The following AGBL1 variants were observed in gnomAD, a reference collection of about 807,000 sequenced individuals.
AGBL1 encodes AGBL carboxypeptidase 1.
A neutral mutation model predicts 118.9 loss-of-function variants in AGBL1; 130 were observed. The ratio of observed to expected loss-of-function variants is 1.09; its 90% CI spans 0.95 to 1.26. The LOEUF is 1.26. Among genes scored for constraint, AGBL1 ranks in the 50% most tolerant of loss-of-function variants. The pLI, the probability that AGBL1 is intolerant of heterozygous loss-of-function variation, is 0.00. For missense variants in AGBL1, 1,584 were observed against 1,298.1 expected, an observed-to-expected ratio of 1.22 and a Z score of -3.38; for synonymous variants, 555 against 478.9, an observed-to-expected ratio of 1.16 and a Z score of -2.08.
intron 18 of AGBL1, among the ~76,000 whole-genome samples, chr15:86,504,922 C>T (rs926031650): frequency 1.3e-5 from 2 of 151,584 alleles, no homozygotes; most frequent in Non-Finnish European, 3.0e-5. Flanking sequence ...CTGAAGCCTT[C>T]CCTTTAGTGT....
At chr15:86,994,179 A>C (rs2081358053) in intron 24 of AGBL1, among the ~76,000 whole-genome samples, 1 of 152,162 alleles carries the variant, frequency 6.6e-6, no homozygotes, top group Non-Finnish European at 1.5e-5. Context: ...TGTCTTTCAA[A>C]TTCAAAGCAG....
intron 18 of AGBL1, among the ~76,000 whole-genome samples, chr15:86,496,474 A>G (rs1417725660): frequency 1.3e-5 from 2 of 152,082 alleles, no homozygotes; most frequent in African/African-American, 4.8e-5. Flanking sequence ...CTTTTTTAAA[A>G]GATCCAATAT....
intron 23 of AGBL1, among the ~76,000 whole-genome samples, chr15:86,952,904 T>C (rs2080894216): frequency 6.6e-6 from 1 of 152,224 alleles, no homozygotes; most frequent in African/African-American, 2.4e-5. Context: ...TAGTCAATTA[T>C]GCAAGCATAA....
intron 24 of AGBL1, among the ~76,000 whole-genome samples, chr15:87,002,105 G>A (rs1307009545): frequency 6.6e-6 from 1 of 151,986 alleles, no homozygotes; most frequent in Non-Finnish European, 1.5e-5. Context: ...GGTTTTTATG[G>A]TTTTAGGTCT....
intron 22 of AGBL1, among the ~76,000 whole-genome samples, chr15:86,736,791 C>A (rs72763993): frequency 1.3e-5 from 2 of 152,160 alleles, no homozygotes; most frequent in African/African-American, 4.8e-5. Flanking sequence ...GGCTTTTAGA[C>A]ATGCTTATGA....
intron 19 of AGBL1, among the ~76,000 whole-genome samples, chr15:86,537,982 C>G (rs767410639): frequency 6.6e-5 from 10 of 152,186 alleles, no homozygotes; most frequent in Non-Finnish European, 1.5e-4. Context: ...GGTTGATTTA[C>G]AGGCGCTCTT....
At chr15:86,786,352 C>G (rs929379991) in intron 22 of AGBL1, among the ~76,000 whole-genome samples, 17 of 152,164 alleles carry the variant, frequency 1.1e-4, no homozygotes, top group African/African-American at 4.1e-4. Context: ...AAGCTCATGA[C>G]TGCCAGGGGC....
At chr15:86,986,172 C>A (rs2081280335) in intron 23 of AGBL1, among the ~76,000 whole-genome samples, 1 of 152,192 alleles carries the variant, frequency 6.6e-6, no homozygotes, top group Non-Finnish European at 1.5e-5. Flanking sequence ...GATCCACCCG[C>A]CTCGGCCTCC....
intron 22 of AGBL1, among the ~76,000 whole-genome samples, chr15:86,877,183 C>A (rs1379527278): frequency 6.6e-6 from 1 of 152,096 alleles, no homozygotes; most frequent in Non-Finnish European, 1.5e-5. Flanking sequence ...TTCCTGTGCT[C>A]ACTGAGATCT....
At chr15:86,424,484 A>T (rs376735094) in intron 18 of AGBL1, among the ~76,000 whole-genome samples, 2 of 152,218 alleles carry the variant, frequency 1.3e-5, no homozygotes, top group African/African-American at 2.4e-5. Flanking sequence ...ATGGGCAAAG[A>T]CTTTGTGACT....
rs1015422908 is a variant in AGBL1 at position 86,210,635 on chromosome 15, T to A, written c.489-14279T>A. The stretch of plus-strand genomic sequence containing the variant: ...TATTGAAGCTTGAGCTTGTGTCACG[T>A]AGTTCTTGTGCCATGGTTTTCAGCT... On this transcript the variant is annotated intron_variant, in intron 5 of 22. Coordinates refer to ENST00000614907, the MANE Select transcript of AGBL1 (RefSeq NM_001386094.1). Among the ~76,000 whole-genome samples, 4 of 152,180 alleles carry A rather than the reference T, an allele frequency of 2.6e-5. No individual in the cohort carries two copies. The East Asian group carries it at 7.7e-4, about 29-fold the overall frequency.
At chr15:86,185,484 T>C (rs896350017) in intron 5 of AGBL1, among the ~76,000 whole-genome samples, 1 of 152,090 alleles carries the variant, frequency 6.6e-6, no homozygotes, top group Non-Finnish European at 1.5e-5. Context: ...CTATTCACAA[T>C]AGCAAAGACT....
intron 1 of AGBL1, among the ~76,000 whole-genome samples, chr15:86,084,567 G>T (rs1895506784): frequency 6.6e-6 from 1 of 152,152 alleles, no homozygotes; most frequent in Non-Finnish European, 1.5e-5. Context: ...TCACTGGTTT[G>T]CATTGCTTAA....
chr15:86,151,224 G>A (rs968619398), intron 3 of AGBL1, among the ~76,000 whole-genome samples: 3 of 150,810 alleles, frequency 2.0e-5, no homozygotes, highest in Non-Finnish European at 4.4e-5. Flanking sequence ...TGGGTGCAGC[G>A]CACCAGCATG....
At chr15:86,838,706 G>A (rs1164463322) in intron 22 of AGBL1, among the ~76,000 whole-genome samples, 3 of 151,880 alleles carry the variant, frequency 2.0e-5, no homozygotes, top group East Asian at 1.9e-4. Context: ...TTGAGAGGCC[G>A]AGGCAGAAAG....
At chr15:86,568,387 T>C (rs1322241070) in intron 21 of AGBL1, among the ~76,000 whole-genome samples, 2 of 152,316 alleles carry the variant, frequency 1.3e-5, no homozygotes, top group East Asian at 1.9e-4. Context: ...CCTTAACTTA[T>C]TGATTCCAGG....
intron 17 of AGBL1, among the ~76,000 whole-genome samples, chr15:86,304,243 C>G (rs76874760): frequency 0.021 from 3,172 of 152,124 alleles, 120 homozygotes; most frequent in African/African-American, 0.071. Flanking sequence ...CCCTACTAAC[C>G]TTCTTTCTAC....
intron 5 of AGBL1, among the ~76,000 whole-genome samples, chr15:86,208,009 AGT>A (rs1491344922): frequency 9.7e-6 from 1 of 103,466 alleles, no homozygotes; most frequent in Non-Finnish European, 2.0e-5. Context: ...GTTTATTGAG[AGT>A]TTTTTTTTTT....
At chr15:86,757,432 T>C (rs2141264933) in intron 22 of AGBL1, among the ~76,000 whole-genome samples, 1 of 152,208 alleles carries the variant, frequency 6.6e-6, no homozygotes, top group South Asian at 2.1e-4. Context: ...GTGACCTAAT[T>C]TTTACTGAGC....
Sources: allele counts gnomAD v4.1 joint callset (sites outside exome capture counted in the v4.1 genomes callset), GRCh38; gene constraint gnomAD v4.1.1; transcripts MANE v1.5; gene names NCBI Gene and HGNC (gene_info 2026-07-23, HGNC 2026-07-21).